The following ZNF438 variants were observed in gnomAD, a reference collection of about 807,000 sequenced individuals.
ZNF438 encodes zinc finger protein 438.
In ZNF438, 25 loss-of-function variants were observed where a neutral mutation model predicts 38.0. That is an observed-to-expected ratio of 0.66 (90% confidence interval 0.48 to 0.92). The LOEUF (loss-of-function observed/expected upper bound fraction) is 0.92, where lower values mean the gene tolerates loss of function less well. Among genes scored for constraint, ZNF438 ranks in the 40% least tolerant of loss-of-function variants. The pLI is 0.00. For missense variants in ZNF438, 1,007 were observed against 999.6 expected, an observed-to-expected ratio of 1.01 and a Z score of -0.10; for synonymous variants, 372 against 364.1, an observed-to-expected ratio of 1.02 and a Z score of -0.25.
intron 1 of ZNF438, among the ~76,000 whole-genome samples, chr10:30,965,673 G>C (rs1336600430): frequency 6.6e-6 from 1 of 152,138 alleles, no homozygotes; most frequent in African/African-American, 2.4e-5. Flanking sequence ...ATTAAGTACT[G>C]CATGTCCTCA....
In ZNF438 at chr10:30,919,044, C is replaced by G. The variant is rs2043980227; in HGVS notation, c.-114-10029G>C. 2.0e-5 allele frequency: 3 copies of G among 152,326 alleles called. 1 individual carries two copies. Among genetic ancestry groups the G allele is most frequent in the Admixed American group, 2.0e-4 (3 of 15,290 alleles). 9.4% of individuals were successfully genotyped at this position (152,326 alleles called of 1,614,324 possible). ...TAAGCTCTTTGTCTTCTGCTAGAGA[C>G]AGAACTGTATCCAGAGACTCTGAGG... On this transcript the variant is annotated intron_variant, in intron 2 of 5. Coordinates refer to ENST00000413025, the Ensembl canonical transcript of ZNF438.
intron 5 of ZNF438, among the ~76,000 whole-genome samples, chr10:30,846,591 C>T (rs112315048): frequency 2.0e-5 from 3 of 152,190 alleles, no homozygotes; most frequent in Non-Finnish European, 4.4e-5. Context: ...GGGACAAGCA[C>T]GAGCCCTGCC....
At chr10:30,907,171 C>T (rs1475448576) in intron 3 of ZNF438, among the ~76,000 whole-genome samples, 1 of 152,162 alleles carries the variant, frequency 6.6e-6, no homozygotes, top group Admixed American at 6.5e-5. Context: ...GACGCGGTTT[C>T]ACCATGGTGG....
intron 4 of ZNF438, among the ~76,000 whole-genome samples, chr10:30,858,865 C>T (rs556648468): frequency 6.6e-6 from 1 of 152,320 alleles, no homozygotes; most frequent in South Asian, 2.1e-4. Context: ...CCACTCAGCA[C>T]AGGCCTTTGA....
At chr10:30,900,957 T>C (rs548408810) in intron 3 of ZNF438, among the ~76,000 whole-genome samples, 58 of 152,272 alleles carry the variant, frequency 3.8e-4, no homozygotes, top group African/African-American at 1.3e-3. Flanking sequence ...TTAGTAAAAA[T>C]ACCCCAGGAG....
intron 3 of ZNF438, among the ~76,000 whole-genome samples, chr10:30,880,937 T>C (rs1488326379): frequency 1.3e-5 from 2 of 152,100 alleles, no homozygotes; most frequent in Admixed American, 1.3e-4. Context: ...CATCCATTAC[T>C]GATTAAAAAA....
At chr10:31,018,916 A>G (rs961310375) in intron 1 of ZNF438, among the ~76,000 whole-genome samples, 52 of 152,338 alleles carry the variant, frequency 3.4e-4, no homozygotes, top group African/African-American at 1.1e-3. Flanking sequence ...ATTTACAAAG[A>G]TAACTCAGAA....
At chr10:31,025,601 G>A (rs1248909082) in intron 1 of ZNF438, among the ~76,000 whole-genome samples, 4 of 152,100 alleles carry the variant, frequency 2.6e-5, no homozygotes, top group East Asian at 1.9e-4. Context: ...TAATAGCTAC[G>A]TAGTTATGGT....
chr10:30,946,839 T>A (rs111544262), intron 1 of ZNF438, among the ~76,000 whole-genome samples: 27 of 152,346 alleles, frequency 1.8e-4, no homozygotes, highest in African/African-American at 6.3e-4. Flanking sequence ...CTTTTTAGTT[T>A]TCCATTTTAT....
At chr10:30,851,166 A>C (rs2033558186) in intron 4 of ZNF438, among the ~76,000 whole-genome samples, 1 of 152,256 alleles carries the variant, frequency 6.6e-6, no homozygotes, top group Admixed American at 6.5e-5. Flanking sequence ...ACAACATGCA[A>C]AATATGTGAA....
intron 1 of ZNF438, among the ~76,000 whole-genome samples, chr10:31,013,971 AAC>A (rs2055963969): frequency 6.6e-6 from 1 of 152,210 alleles, no homozygotes; most frequent in African/African-American, 2.4e-5. Flanking sequence ...CTGGACTGCA[AAC>A]ACAAAACTGC....
intron 1 of ZNF438, among the ~76,000 whole-genome samples, chr10:31,000,332 A>C (rs910410475): frequency 6.6e-6 from 1 of 152,232 alleles, no homozygotes; most frequent in Non-Finnish European, 1.5e-5. Context: ...CAGTGTTGGC[A>C]TCACTTGGGA....
At chr10:30,911,836 C>T (rs536970271) in intron 2 of ZNF438, among the ~76,000 whole-genome samples, 65 of 152,186 alleles carry the variant, frequency 4.3e-4, no homozygotes, top group African/African-American at 1.5e-3. Context: ...TTCCTGGTAT[C>T]ACATACAACC....
intron 3 of ZNF438, among the ~76,000 whole-genome samples, chr10:30,880,286 C>T (rs1252973207): frequency 1.3e-5 from 2 of 151,872 alleles, no homozygotes; most frequent in Admixed American, 1.3e-4. Flanking sequence ...CAAAAATTAG[C>T]TGGGCATGGT....
At chr10:30,979,356 C>T (rs1249341383) in intron 1 of ZNF438, among the ~76,000 whole-genome samples, 2 of 152,172 alleles carry the variant, frequency 1.3e-5, no homozygotes, top group African/African-American at 4.8e-5. Flanking sequence ...TTTATAGATT[C>T]AATGCTATCC....
At position 30,845,319 on chromosome 10, in the gene ZNF438, G is replaced by A. The variant is rs192184693; in HGVS notation, c.2129C>T (p.Pro710Leu). 1.4e-5 allele frequency: 22 copies of A among 1,614,060 alleles called. No individual in the cohort carries two copies. In the East Asian group the frequency reaches 2.9e-4, roughly 21 times the overall value. The change falls in exon 6 of 6, where the codon CCG (proline) becomes CTG (leucine). Residue 710 changes from proline (P) to leucine (L), a missense_variant. Coordinates refer to ENST00000413025, the Ensembl canonical transcript of ZNF438. ...CTCGGAGGAGGAATGAACCTTCTCC[G>A]GCTTCCCTCTCTCAGGATGCCTTTT...
intron 2 of ZNF438, among the ~76,000 whole-genome samples, chr10:30,933,512 G>A (rs2045912698): frequency 6.6e-6 from 1 of 152,206 alleles, no homozygotes; most frequent in Non-Finnish European, 1.5e-5. Flanking sequence ...CAGTAACTCA[G>A]GAGGCTGAGG....
chr10:30,868,110 C>T (rs1010645044), intron 4 of ZNF438, among the ~76,000 whole-genome samples: 2 of 149,460 alleles, frequency 1.3e-5, no homozygotes, highest in Non-Finnish European at 3.0e-5. Flanking sequence ...GCTTTTGTTG[C>T]CCAGGCTGGA....
At chr10:30,904,920 AT>A (rs1430403666) in intron 3 of ZNF438, among the ~76,000 whole-genome samples, 1 of 152,156 alleles carries the variant, frequency 6.6e-6, no homozygotes, top group Non-Finnish European at 1.5e-5. Flanking sequence ...TGGCCCCTGT[AT>A]CTTTCCCTGA....
Sources: gnomAD v4.1 joint callset for allele counts (sites outside exome capture counted in the v4.1 genomes callset) on GRCh38, gnomAD v4.1.1 for gene constraint, MANE v1.5 for transcripts, NCBI Gene and HGNC (gene_info 2026-07-23, HGNC 2026-07-21) for gene names.